The following ANO4 variants were observed in gnomAD, a reference collection of about 807,000 sequenced individuals.
The protein encoded by ANO4 is anoctamin-4.
Under a neutral mutation model 141.9 loss-of-function variants are expected in ANO4, and 69 were observed. The ratio of observed to expected loss-of-function variants is 0.49; its 90% CI spans 0.40 to 0.59. The LOEUF is 0.59. Among genes scored for constraint, ANO4 ranks in the 20% least tolerant of loss-of-function variants. The pLI is 0.00. For missense variants in ANO4, 894 were observed against 1,162.2 expected (o/e 0.77, Z 3.36); for synonymous variants, 350 against 394.3 (o/e 0.89, Z 1.33).
At chr12:100,963,279 G>A (rs1206536564) in intron 5 of ANO4, among the ~76,000 whole-genome samples, 2 of 152,146 alleles carry the variant, frequency 1.3e-5, no homozygotes, top group Non-Finnish European at 2.9e-5. Context: ...GATCATCTAG[G>A]GAGGACAGGT....
At chr12:100,929,193 A>G (rs961836187) in intron 3 of ANO4, among the ~76,000 whole-genome samples, 1 of 152,078 alleles carries the variant, frequency 6.6e-6, no homozygotes, top group African/African-American at 2.4e-5. Context: ...CTGTTGTGCT[A>G]TTAAATACTA....
chr12:100,980,124 A>G (rs1253998013), intron 7 of ANO4, among the ~76,000 whole-genome samples: 2 of 152,208 alleles, frequency 1.3e-5, no homozygotes, highest in Non-Finnish European at 2.9e-5. Context: ...CTTCTAGCGC[A>G]CACATCACAA....
At chr12:101,042,514 G>A (rs201241359) in intron 12 of ANO4, 46 bp downstream of exon 12, 1 of 1,609,796 alleles carries the variant, frequency 6.2e-7, no homozygotes, top group East Asian at 2.2e-5. Flanking sequence ...AGTACTTAGA[G>A]GTGGCTGTTT....
Position 100,942,401 on chromosome 12 carries a change from A to G in ANO4, c.322A>G (p.Asn108Asp), listed in dbSNP as rs2042558333. The change falls in exon 5 of 28, where the codon AAT becomes GAT. Residue 108 changes from asparagine to aspartate, a missense_variant. By Grantham distance (23) the Asn-to-Asp change is conservative. Coordinates refer to ENST00000392977, the MANE Select transcript of ANO4 (RefSeq NM_001286615.2). ...GACAGTGCCAGAAAGAAACAAATCAAATGGACTTTACTTTCGAGATGGAAA... is the reference window on the plus strand; with the variant it reads ...GACAGTGCCAGAAAGAAACAAATCAGATGGACTTTACTTTCGAGATGGAAA... ...GETVPERNKSNGLYFRDGKCR... is the reference protein window; with the variant it reads ...GETVPERNKSDGLYFRDGKCR... 6.2e-7 allele frequency: 1 copy of G among 1,613,882 alleles called. No homozygotes were observed. The highest frequency in any genetic ancestry group is 1.3e-5 in the African/African-American group (1 of 74,924).
chr12:100,830,509 A>C (rs1428514877), intron 1 of ANO4, among the ~76,000 whole-genome samples: 1 of 152,016 alleles, frequency 6.6e-6, no homozygotes, highest in Non-Finnish European at 1.5e-5. Context: ...CCTTATCCCA[A>C]CATGCCTTTC....
At chr12:100,971,082 A>G (rs953127060) in intron 5 of ANO4, among the ~76,000 whole-genome samples, 1 of 152,182 alleles carries the variant, frequency 6.6e-6, no homozygotes, top group South Asian at 2.1e-4. Flanking sequence ...AATGTTATTC[A>G]TACCTCCCTT....
intron 1 of ANO4, among the ~76,000 whole-genome samples, chr12:100,845,273 G>A (rs1288282410): frequency 6.6e-6 from 1 of 152,160 alleles, no homozygotes; most frequent in African/African-American, 2.4e-5. Flanking sequence ...GGAACCTGGA[G>A]GGGATATGAG....
intron 14 of ANO4, among the ~76,000 whole-genome samples, chr12:101,049,483 A>G (rs532930316): frequency 7.3e-6 from 1 of 136,084 alleles, no homozygotes; most frequent in African/African-American, 3.2e-5. Context: ...CAGAGATCTC[A>G]TATTTTTTTT....
chr12:100,829,380 C>T (rs1218957381), intron 1 of ANO4, among the ~76,000 whole-genome samples: 1 of 152,026 alleles, frequency 6.6e-6, no homozygotes, highest in African/African-American at 2.4e-5. Context: ...ATTTAATAAC[C>T]ATCAGCACAA....
intron 1 of ANO4, among the ~76,000 whole-genome samples, chr12:100,831,827 C>T (rs1158849736): frequency 6.6e-6 from 1 of 152,008 alleles, no homozygotes; most frequent in Non-Finnish European, 1.5e-5. Context: ...TGGGCTGTGA[C>T]TTCTTTATTA....
intron 1 of ANO4, among the ~76,000 whole-genome samples, chr12:100,854,908 C>A (rs2038083885): frequency 6.6e-6 from 1 of 152,108 alleles, no homozygotes; most frequent in Non-Finnish European, 1.5e-5. Context: ...TGTGTCCTGG[C>A]TTCTCATGGA....
intron 10 of ANO4, among the ~76,000 whole-genome samples, chr12:101,037,867 T>C (rs59862485): frequency 0.15 from 22,654 of 152,186 alleles, 1,884 homozygotes; most frequent in Admixed American, 0.21. Flanking sequence ...ATAGCCTCTG[T>C]CCTCTGGGAC....
intron 1 of ANO4, among the ~76,000 whole-genome samples, chr12:100,860,703 A>C (rs757223351): frequency 2.0e-5 from 3 of 152,220 alleles, no homozygotes; most frequent in Non-Finnish European, 4.4e-5. Context: ...GCATTGTTCA[A>C]AGCCTTGTGA....
At chr12:100,939,243 T>C (rs1029393862) in intron 3 of ANO4, 72 bp from the exon 4 acceptor site, 1 of 1,458,270 alleles carries the variant, frequency 6.9e-7, no homozygotes, top group Non-Finnish European at 9.4e-7. Context: ...AAGGGAGATG[T>C]TTTCTCTTTT....
chr12:100,927,996 C>T (rs550757329), intron 3 of ANO4, among the ~76,000 whole-genome samples: 20 of 152,208 alleles, frequency 1.3e-4, no homozygotes, highest in African/African-American at 4.8e-4. Context: ...AATCATATAG[C>T]TGTGCCTACA....
intron 1 of ANO4, among the ~76,000 whole-genome samples, chr12:100,864,985 T>G (rs2038679107): frequency 6.6e-6 from 1 of 152,202 alleles, no homozygotes. Flanking sequence ...GTTTTCAGCT[T>G]CATCCATGGT....
At chr12:100,993,387 A>G (rs1592954119) in intron 8 of ANO4, among the ~76,000 whole-genome samples, 3 of 152,216 alleles carry the variant, frequency 2.0e-5, no homozygotes, top group Non-Finnish European at 4.4e-5. Flanking sequence ...AAGAACTTTA[A>G]TACAATAGTT....
intron 3 of ANO4, among the ~76,000 whole-genome samples, chr12:100,741,503 C>G (rs2031864223): frequency 6.6e-6 from 1 of 152,154 alleles, no homozygotes; most frequent in African/African-American, 2.4e-5. Flanking sequence ...GCAGGCTTTT[C>G]CTTCCTGGGA....
intron 1 of ANO4, among the ~76,000 whole-genome samples, chr12:100,831,838 G>T (rs546857508): frequency 6.6e-6 from 1 of 152,034 alleles, no homozygotes; most frequent in Non-Finnish European, 1.5e-5. Context: ...TTCTTTATTA[G>T]TAGAGTGATA....
Sources: gnomAD v4.1 joint callset for allele counts (sites outside exome capture counted in the v4.1 genomes callset) on GRCh38, gnomAD v4.1.1 for gene constraint, MANE v1.5 for transcripts, NCBI Gene and HGNC (gene_info 2026-07-23, HGNC 2026-07-21) for gene names.